CNTN5: variants seen among roughly 807,000 people sequenced by gnomAD.
CNTN5 encodes contactin-5.
Under a neutral mutation model 129.1 loss-of-function variants are expected in CNTN5, and 77 were observed. The ratio of observed to expected loss-of-function variants is 0.60; its 90% CI spans 0.50 to 0.72. The LOEUF (loss-of-function observed/expected upper bound fraction) is 0.72. Ranked by LOEUF, CNTN5 falls within the 30% of genes least tolerant of loss-of-function variation. CNTN5 has a pLI of 0.00. For synonymous variants in CNTN5, 509 were observed against 465.6 expected, an observed-to-expected ratio of 1.09 and a Z score of -1.20; for missense variants, 1,478 against 1,328.8, an observed-to-expected ratio of 1.11 and a Z score of -1.75.
intron 13 of CNTN5, among the ~76,000 whole-genome samples, chr11:100,141,070 T>C (rs752626356): frequency 6.6e-6 from 1 of 152,128 alleles, no homozygotes; most frequent in Non-Finnish European, 1.5e-5. Flanking sequence ...GAGGAAAAAT[T>C]GAAAGTTTGC....
At chr11:99,974,715 A>G (rs532875615) in intron 8 of CNTN5, among the ~76,000 whole-genome samples, 1 of 152,320 alleles carries the variant, frequency 6.6e-6, no homozygotes, top group African/African-American at 2.4e-5. Context: ...CCTGCTACAT[A>G]GTGTGTTAAT....
chr11:99,588,481 A>G (rs1188704620), intron 3 of CNTN5, among the ~76,000 whole-genome samples: 3 of 152,094 alleles, frequency 2.0e-5, no homozygotes, highest in Admixed American at 2.0e-4. Context: ...GAAATTGTTC[A>G]TGGGTAAAAT....
intron 3 of CNTN5, among the ~76,000 whole-genome samples, chr11:99,584,519 G>T (rs1434480831): frequency 6.6e-6 from 1 of 152,058 alleles, no homozygotes; most frequent in Non-Finnish European, 1.5e-5. Flanking sequence ...GAGAAAATTC[G>T]GGAGCCATGG....
At chr11:99,667,244 C>A (rs1439270298) in intron 3 of CNTN5, among the ~76,000 whole-genome samples, 6 of 151,930 alleles carry the variant, frequency 3.9e-5, no homozygotes, top group African/African-American at 1.4e-4. Context: ...GTGTACCTCT[C>A]TTTTCTCTGT....
At chr11:99,902,598 A>G (rs576214221) in intron 6 of CNTN5, among the ~76,000 whole-genome samples, 1 of 152,316 alleles carries the variant, frequency 6.6e-6, no homozygotes, top group South Asian at 2.1e-4. Context: ...GCAAAAATCA[A>G]AAGACTACTA....
At chr11:100,024,982 T>C (rs1019196225) in intron 9 of CNTN5, among the ~76,000 whole-genome samples, 1 of 152,200 alleles carries the variant, frequency 6.6e-6, no homozygotes, top group Non-Finnish European at 1.5e-5. Flanking sequence ...TCAAGCAGGC[T>C]GCAAAAACTT....
intron 4 of CNTN5, among the ~76,000 whole-genome samples, chr11:99,841,215 C>G (rs1319095309): frequency 6.6e-6 from 1 of 152,078 alleles, no homozygotes; most frequent in Non-Finnish European, 1.5e-5. Context: ...TAACAATGAA[C>G]AGCAAAGAGA....
At chr11:99,250,788 C>T (rs1862060826) in intron 1 of CNTN5, among the ~76,000 whole-genome samples, 1 of 151,828 alleles carries the variant, frequency 6.6e-6, no homozygotes, top group Non-Finnish European at 1.5e-5. Flanking sequence ...TGAACGATAT[C>T]ATTTACAAGT....
intron 1 of CNTN5, among the ~76,000 whole-genome samples, chr11:99,238,045 C>T (rs903348374): frequency 6.6e-6 from 1 of 152,042 alleles, no homozygotes; most frequent in African/African-American, 2.4e-5. Flanking sequence ...ACATATTTTT[C>T]CTGTAAGTTG....
intron 1 of CNTN5, among the ~76,000 whole-genome samples, chr11:99,294,235 C>T (rs1398909654): frequency 1.3e-5 from 2 of 151,880 alleles, no homozygotes; most frequent in Non-Finnish European, 2.9e-5. Flanking sequence ...TGTTTGTGCC[C>T]TTGTTTGCAA....
intron 1 of CNTN5, among the ~76,000 whole-genome samples, chr11:99,168,006 G>A (rs1156901843): frequency 6.6e-6 from 1 of 151,764 alleles, no homozygotes; most frequent in African/African-American, 2.4e-5. Context: ...TGTGATCTGG[G>A]TTCACTGCCT....
At chr11:99,754,115 A>G (rs1944333342) in intron 3 of CNTN5, among the ~76,000 whole-genome samples, 1 of 152,208 alleles carries the variant, frequency 6.6e-6, no homozygotes, top group South Asian at 2.1e-4. Context: ...GTGTAAGGCC[A>G]AACTGGCTTT....
chr11:100,293,163 C>G (rs563037059), intron 18 of CNTN5, among the ~76,000 whole-genome samples: 107 of 151,834 alleles, frequency 7.0e-4, no homozygotes, highest in Non-Finnish European at 1.2e-3. Context: ...TTTACCTATT[C>G]TTTGCATTTA....
At chr11:100,085,924 A>T (rs997251223) in intron 13 of CNTN5, among the ~76,000 whole-genome samples, 1 of 152,114 alleles carries the variant, frequency 6.6e-6, no homozygotes, top group African/African-American at 2.4e-5. Flanking sequence ...GTCTTGGAAT[A>T]GGATTTTAAC....
intron 6 of CNTN5, among the ~76,000 whole-genome samples, chr11:99,899,135 T>C (rs1316764820): frequency 6.6e-6 from 1 of 152,056 alleles, no homozygotes; most frequent in Non-Finnish European, 1.5e-5. Flanking sequence ...GAAGAGTCTT[T>C]AGGGTTTTCT....
At chr11:99,190,772 T>C (rs181172466) in intron 1 of CNTN5, among the ~76,000 whole-genome samples, 1 of 151,770 alleles carries the variant, frequency 6.6e-6, no homozygotes, top group African/African-American at 2.4e-5. Context: ...GTTACTTTTA[T>C]TTTTTTGGTT....
At chr11:100,244,866 A>C (rs186473679) in intron 16 of CNTN5, among the ~76,000 whole-genome samples, 95 of 152,212 alleles carry the variant, frequency 6.2e-4, no homozygotes, top group African/African-American at 2.3e-3. Flanking sequence ...GTCACTTTTA[A>C]ATTCTAATGG....
chr11:99,596,251 G>A (rs1950123345), intron 3 of CNTN5, among the ~76,000 whole-genome samples: 1 of 152,028 alleles, frequency 6.6e-6, no homozygotes, highest in Non-Finnish European at 1.5e-5. Context: ...CCAAAAGATA[G>A]GATTAAGATA....
intron 17 of CNTN5, among the ~76,000 whole-genome samples, chr11:100,259,501 A>G (rs1950152778): frequency 6.6e-6 from 1 of 152,198 alleles, no homozygotes; most frequent in African/African-American, 2.4e-5. Context: ...CATTTTTCTC[A>G]GCATCACATC....
Sources: allele counts gnomAD v4.1 joint callset (sites outside exome capture counted in the v4.1 genomes callset), GRCh38; gene constraint gnomAD v4.1.1; transcripts MANE v1.5; gene names NCBI Gene and HGNC (gene_info 2026-07-23, HGNC 2026-07-21).